The following ALK variants were observed in gnomAD, a reference collection of about 807,000 sequenced individuals.
ALK encodes the protein ALK tyrosine kinase receptor.
A neutral mutation model predicts 163.1 loss-of-function variants in ALK; 74 were observed. The observed-to-expected ratio is 0.45, with a 90% CI of 0.38 to 0.55. The LOEUF is 0.55. Ranked by LOEUF, ALK falls within the 20% of genes least tolerant of loss-of-function variation. The probability of loss-of-function intolerance (pLI) is 0.00; values close to 1 mark genes in which losing one functional copy is unlikely to be tolerated. For missense variants in ALK, 2,063 were observed against 2,105.3 expected (o/e 0.98, Z 0.39); for synonymous variants, 960 against 843.2 (o/e 1.14, Z -2.40).
At chr2:29,899,956 T>C (rs1024317612) in intron 1 of ALK, among the ~76,000 whole-genome samples, 4 of 152,252 alleles carry the variant, frequency 2.6e-5, no homozygotes, top group Admixed American at 1.3e-4. Flanking sequence ...CAGGATGCAC[T>C]TACCATGGGC....
At chr2:29,423,860 A>G (rs1263696814) in intron 4 of ALK, among the ~76,000 whole-genome samples, 1 of 152,228 alleles carries the variant, frequency 6.6e-6, no homozygotes, top group Non-Finnish European at 1.5e-5. Context: ...CACAGAAAGG[A>G]GGAGGCTATG....
chr2:29,564,970 C>T (rs1273401314), intron 3 of ALK, among the ~76,000 whole-genome samples: 1 of 152,164 alleles, frequency 6.6e-6, no homozygotes, highest in Non-Finnish European at 1.5e-5. Context: ...TTAGGGGTAA[C>T]AGCACAGCAA....
In ALK at chr2:29,227,493, C is replaced by T. The variant is rs1005289727; in HGVS notation, c.2914+81G>A. 2.5e-6 allele frequency: 3 copies of T among 1,218,294 alleles called. No homozygotes were observed. 75.5% of individuals were successfully genotyped at this position (1,218,294 alleles called of 1,614,324 possible). On this transcript the variant is annotated intron_variant, in intron 17 of 28. Transcript: ENST00000389048. This position sits in a 1 kb window ranked among gnomAD's most constrained non-coding sequence, Gnocchi z 4.4. ...TAATTGTGCCTCTGTATCCTGGATA[C>T]AGGTCAGAGACTCTGAGGTTTTAGC...
chr2:29,676,705 A>G (rs1201879617), intron 3 of ALK, among the ~76,000 whole-genome samples: 3 of 152,088 alleles, frequency 2.0e-5, no homozygotes, highest in African/African-American at 4.8e-5. Flanking sequence ...TAGCAATTAC[A>G]TTAAGCTTAT....
chr2:29,582,931 C>T (rs913043872), intron 3 of ALK, among the ~76,000 whole-genome samples: 1 of 148,994 alleles, frequency 6.7e-6, no homozygotes, highest in Non-Finnish European at 1.5e-5. Flanking sequence ...AGTATGATCT[C>T]AGCTCACTGC....
At chr2:29,695,082 T>C in intron 2 of ALK, 68 bp from the exon 3 acceptor site, 1 of 1,578,470 alleles carries the variant, frequency 6.3e-7, no homozygotes, top group Non-Finnish European at 8.7e-7. Context: ...CCCCCTCCAC[T>C]CCACACTAGG....
intron 1 of ALK, among the ~76,000 whole-genome samples, chr2:29,901,770 A>G (rs958109938): frequency 6.6e-6 from 1 of 152,242 alleles, no homozygotes; most frequent in African/African-American, 2.4e-5. Context: ...AGAGGGGGTC[A>G]GGAAGATCGC....
intron 3 of ALK, among the ~76,000 whole-genome samples, chr2:29,552,133 G>T (rs918357352): frequency 2.0e-5 from 3 of 151,938 alleles, no homozygotes; most frequent in South Asian, 2.1e-4. Flanking sequence ...TTCAGGTCTG[G>T]TTTATTTCAT....
chr2:29,207,083 G>C (rs1669330298), intron 26 of ALK, 88 bp downstream of exon 26: 1 of 1,005,616 alleles, frequency 9.9e-7, no homozygotes, highest in Non-Finnish European at 1.6e-6. Flanking sequence ...ACTAACACAC[G>C]GGCTCCCGGC....
At chr2:29,458,634 T>C (rs1671014895) in intron 4 of ALK, among the ~76,000 whole-genome samples, 1 of 152,176 alleles carries the variant, frequency 6.6e-6, no homozygotes, top group Non-Finnish European at 1.5e-5. Context: ...ATTAGGAGTT[T>C]CAATGATGTC....
chr2:29,227,723 C>CT lies in ALK; in HGVS notation c.2816-52dup, dbSNP rs776192357. ...TAACATGGGGGGTGGGTGCCAAAAT[C>CT]TTAACACACACACACGTCAGTGGGG... On this transcript the variant is annotated intron_variant, in intron 16 of 28. Coordinates refer to ENST00000389048, the MANE Select transcript of ALK (RefSeq NM_004304.5). This position sits in a 1 kb window ranked among gnomAD's most constrained non-coding sequence, Gnocchi z 4.4. The CT allele has an allele frequency of 7.1e-6, 10 of 1,414,134 alleles. No homozygotes were observed. Among genetic ancestry groups the CT allele is most frequent in the Non-Finnish European group, 1.0e-5 (10 of 999,350 alleles). 87.6% of individuals were successfully genotyped at this position (1,414,134 alleles called of 1,614,324 possible). A position where few individuals can be genotyped will look rare whatever the true frequency, so the allele number is the denominator to read the frequency against.
chr2:29,347,975 C>T (rs2148276783), intron 5 of ALK, among the ~76,000 whole-genome samples: 1 of 152,208 alleles, frequency 6.6e-6, no homozygotes, highest in East Asian at 1.9e-4. Context: ...TGGGACTACA[C>T]CTTAAGAACC....
intron 8 of ALK, among the ~76,000 whole-genome samples, chr2:29,309,669 C>T (rs372287160): frequency 7.9e-5 from 11 of 138,926 alleles, no homozygotes; most frequent in African/African-American, 1.1e-4. Context: ...GTTGGGTCCT[C>T]GAGACTCATT....
chr2:29,399,895 G>C (rs1033110166), intron 4 of ALK, among the ~76,000 whole-genome samples: 1 of 152,182 alleles, frequency 6.6e-6, no homozygotes, highest in Non-Finnish European at 1.5e-5. Flanking sequence ...AAACAGGCAT[G>C]GAAAGCAGAA....
chr2:29,820,817 A>G (rs1367951288), intron 1 of ALK, among the ~76,000 whole-genome samples: 1 of 152,218 alleles, frequency 6.6e-6, no homozygotes. Context: ...CCAACCCAGC[A>G]CTTGCCAAAT....
chr2:29,711,851 T>C (rs1679111228), intron 2 of ALK, among the ~76,000 whole-genome samples: 1 of 152,240 alleles, frequency 6.6e-6, no homozygotes, highest in Non-Finnish European at 1.5e-5. Flanking sequence ...TTTCCCTTTG[T>C]CAGTGTCTGT....
intron 3 of ALK, among the ~76,000 whole-genome samples, chr2:29,632,871 G>A (rs1190018675): frequency 6.6e-6 from 1 of 152,194 alleles, no homozygotes; most frequent in African/African-American, 2.4e-5. Context: ...AAAACCATCA[G>A]ATCTCATGAG....
chr2:29,918,259 T>A (rs1667889475), intron 1 of ALK, among the ~76,000 whole-genome samples: 1 of 152,330 alleles, frequency 6.6e-6, no homozygotes, highest in South Asian at 2.1e-4. Context: ...TATGGTCATT[T>A]GATAAAAGGT....
In ALK at chr2:29,227,553, G is replaced by A. The variant is rs756457574; in HGVS notation, c.2914+21C>T. On this transcript the variant is annotated intron_variant, in intron 17 of 28. Transcript: ENST00000389048. This position sits in a 1 kb window ranked among gnomAD's most constrained non-coding sequence, Gnocchi z 4.4. ...GGACTGACCTAAGCAAGTTTGTTCT[G>A]CTGCCTGGCAGAGAAGCTACCTTTT... The A allele has an allele frequency of 6.3e-7, 1 of 1,599,698 alleles. No homozygotes were observed. The highest frequency in any genetic ancestry group is 8.6e-7 in the Non-Finnish European group (1 of 1,166,828).
Sources: allele counts gnomAD v4.1 joint callset (sites outside exome capture counted in the v4.1 genomes callset), GRCh38; gene constraint gnomAD v4.1.1; non-coding constraint Gnocchi (gnomAD v3.1); transcripts MANE v1.5; gene names NCBI Gene and HGNC (gene_info 2026-07-23, HGNC 2026-07-21).